RSRP1: variants seen among roughly 807,000 people sequenced by gnomAD.
RSRP1 encodes the protein arginine and serine rich protein 1.
In RSRP1, 37 loss-of-function variants were observed where a neutral mutation model predicts 33.0. The ratio of observed to expected loss-of-function variants is 1.12; its 90% confidence interval spans 0.86 to 1.48. RSRP1 has a LOEUF of 1.48. Among genes scored for constraint, RSRP1 ranks in the 40% most tolerant of loss-of-function variants. The pLI is 0.00. For synonymous variants in RSRP1, 167 were observed against 158.7 expected (o/e 1.05, Z -0.40); for missense variants, 402 against 385.3 (o/e 1.04, Z -0.36).
rs777430257 is a variant in RSRP1, at chr1:25,291,418, G to C, written c.-66-44389C>G. ...CGAGAGGTGGAGGTTGCAGTGAACCGAGATCGCGCCATTGCACTGCAGCCT... is the reference window on the plus strand; with the variant it reads ...CGAGAGGTGGAGGTTGCAGTGAACCCAGATCGCGCCATTGCACTGCAGCCT... On this transcript the variant is annotated intron_variant, in intron 1 of 1. Transcript: ENST00000561867. Among the ~76,000 whole-genome samples, 21 of 132,008 alleles carry C rather than the reference G, an allele frequency of 1.6e-4. 4 individuals carry two copies. The highest frequency in any genetic ancestry group is 3.4e-4 in the African/African-American group (13 of 38,712). 86.6% of individuals were successfully genotyped at this position (132,008 alleles called of 152,430 possible). A position where few individuals can be genotyped will look rare whatever the true frequency, so the allele number is the denominator to read the frequency against.
At chr1:25,285,128 C>A (rs1254800434) in intron 1 of RSRP1, among the ~76,000 whole-genome samples, 1 of 131,134 alleles carries the variant, frequency 7.6e-6, no homozygotes, top group Admixed American at 7.3e-5. Flanking sequence ...CCTAGAGAGA[C>A]ATTCTATTTT....
In RSRP1 at chr1:25,318,480, G is replaced by A. The variant is rs151077941; in HGVS notation, c.-67+19498C>T. Reference sequence around the variant, plus strand: ...GCGTGTGCCTGTAGTCCCAGCTACTGGGGAGGCTGAAGTAGGGGAATGGCT... The same window carrying A: ...GCGTGTGCCTGTAGTCCCAGCTACTAGGGAGGCTGAAGTAGGGGAATGGCT... On this transcript the variant is annotated intron_variant, in intron 1 of 1. Coordinates refer to the RSRP1 transcript ENST00000561867. Among the ~76,000 whole-genome samples, 14 of 130,572 alleles carry A rather than the reference G, an allele frequency of 1.1e-4. 2 individuals are homozygous for A. The highest frequency in any genetic ancestry group is 3.7e-4 in the African/African-American group (14 of 38,336). The allele number at this position is 130,572 out of a possible 152,430, so 85.7% of individuals were successfully genotyped here.
At chr1:25,302,640 AG>A (rs1374673506) in intron 1 of RSRP1, among the ~76,000 whole-genome samples, 1 of 130,132 alleles carries the variant, frequency 7.7e-6, no homozygotes, top group African/African-American at 2.7e-5. Flanking sequence ...GCTATGACCC[AG>A]GAACAAGGCC....
rs1226202677 is a variant in RSRP1 at position 25,296,740 on chromosome 1, CTCTT to C, written c.-67+41234_-67+41237del. 2.4e-5 allele frequency among the ~76,000 whole-genome samples: 3 copies of C among 123,920 alleles called. 1 individual carries two copies. Among genetic ancestry groups the C allele is most frequent in the Non-Finnish European group, 5.8e-5 (3 of 51,644 alleles). The allele number at this position is 123,920 out of a possible 152,430, so 81.3% of individuals were successfully genotyped here. A position where few individuals can be genotyped will look rare whatever the true frequency, so the allele number is the denominator to read the frequency against. Reference sequence around the variant, plus strand: ...TTTGAAAGTGTGGCACTTCCTCTCTCTCTTTCTCTCTCTCTCTCACCTGACACCA... The same window carrying C: ...TTTGAAAGTGTGGCACTTCCTCTCTCTCTCTCTCTCTCTCACCTGACACCA... On this transcript the variant is annotated intron_variant, in intron 1 of 1. Coordinates refer to the RSRP1 transcript ENST00000561867.
rs570605918 is a variant in RSRP1, at chr1:25,271,155, GT to G, written c.-66-24127del. ...CTAGTGGACATTTAGGTTAGTCTCA[GT>G]TTTTTCCTTCTGTAAATAAAGCTGC... On this transcript the variant is annotated intron_variant, in intron 1 of 1. Coordinates refer to the RSRP1 transcript ENST00000561867. Among the ~76,000 whole-genome samples the G allele has an allele frequency of 5.3e-5, 7 of 132,432 alleles. No individual in the cohort carries two copies. The South Asian group carries it at 1.6e-3, about 31-fold the overall frequency. The allele number at this position is 132,432 out of a possible 152,430, so 86.9% of individuals were successfully genotyped here.
intron 1 of RSRP1, among the ~76,000 whole-genome samples, chr1:25,336,646 C>T (rs1186861315): frequency 6.7e-6 from 1 of 149,978 alleles, no homozygotes; most frequent in Non-Finnish European, 1.5e-5. Flanking sequence ...GAGTTAGTAT[C>T]TTTTCTCCCG....
At chr1:25,291,089 G>C (rs932965942) in intron 1 of RSRP1, among the ~76,000 whole-genome samples, 2 of 130,788 alleles carry the variant, frequency 1.5e-5, no homozygotes, top group Admixed American at 1.5e-4. Flanking sequence ...CCAGGAGTTA[G>C]GGACCGAGCT....
intron 2 of RSRP1, 58 bp downstream of exon 2, chr1:25,246,386 C>T: frequency 6.3e-7 from 1 of 1,576,180 alleles, no homozygotes; most frequent in Non-Finnish European, 8.6e-7. Flanking sequence ...GTTCCCTAGC[C>T]TACTCATATA....
chr1:25,306,343 C>G (rs1643832643), intron 1 of RSRP1, among the ~76,000 whole-genome samples: 1 of 131,990 alleles, frequency 7.6e-6, no homozygotes, highest in African/African-American at 2.6e-5. Flanking sequence ...CGTAGACCAG[C>G]AGCATTGGCA....
At chr1:25,299,931 G>A (rs1163697380) in intron 1 of RSRP1, among the ~76,000 whole-genome samples, 1 of 130,454 alleles carries the variant, frequency 7.7e-6, no homozygotes, top group African/African-American at 2.6e-5. Flanking sequence ...TGTATTTTTA[G>A]TAGAGACAGG....
chr1:25,290,175 A>G (rs1642363509), intron 1 of RSRP1, among the ~76,000 whole-genome samples: 1 of 130,258 alleles, frequency 7.7e-6, no homozygotes, highest in South Asian at 2.3e-4. Context: ...GGAGACGGAG[A>G]GAAGGGACAG....
In RSRP1 at chr1:25,292,702, G is replaced by C. The variant is rs1347690826; in HGVS notation, c.-67+45276C>G. ...AACATCCCAGTGGAGACACTGAATGGAGATGTACAAGTCTGAAGCTTAGTG... is the reference window on the plus strand; with the variant it reads ...AACATCCCAGTGGAGACACTGAATGCAGATGTACAAGTCTGAAGCTTAGTG... On this transcript the variant is annotated intron_variant, in intron 1 of 1. Transcript: ENST00000561867. Among the ~76,000 whole-genome samples, 6 of 127,854 alleles carry C rather than the reference G, an allele frequency of 4.7e-5. 1 individual carries two copies. Among genetic ancestry groups the C allele is most frequent in the African/African-American group, 1.6e-4 (6 of 37,626 alleles). The allele number at this position is 127,854 out of a possible 152,430, so 83.9% of individuals were successfully genotyped here.
rs192405692 is a variant in RSRP1, at chr1:25,320,327, T to C, written c.-67+17651A>G. On this transcript the variant is annotated intron_variant, in intron 1 of 1. Coordinates refer to the RSRP1 transcript ENST00000561867. ...CGTTATAAGTGGGTGTTCCTAGTGA[T>C]GGTTCTGATTTTTTTTAAAAAAAGT... Among the ~76,000 whole-genome samples, 340 of 132,492 alleles carry C rather than the reference T, an allele frequency of 2.6e-3. 48 individuals carry two copies. The highest frequency in any genetic ancestry group is 0.023 in the Admixed American group (315 of 13,562). The allele number at this position is 132,492 out of a possible 152,430, so 86.9% of individuals were successfully genotyped here. A position where few individuals can be genotyped will look rare whatever the true frequency, so the allele number is the denominator to read the frequency against.
rs1389232064 is a variant in RSRP1, at chr1:25,318,731, T to C, written c.-67+19247A>G. Among the ~76,000 whole-genome samples the C allele has an allele frequency of 2.3e-5, 3 of 132,956 alleles. 1 individual carries two copies. Among genetic ancestry groups the C allele is most frequent in the African/African-American group, 7.7e-5 (3 of 39,054 alleles). The allele number at this position is 132,956 out of a possible 152,430, so 87.2% of individuals were successfully genotyped here. A position where few individuals can be genotyped will look rare whatever the true frequency, so the allele number is the denominator to read the frequency against. On this transcript the variant is annotated intron_variant, in intron 1 of 1. Coordinates refer to the RSRP1 transcript ENST00000561867. Reference sequence around the variant, plus strand: ...ATAAGAGACAAATGGCGTAAGACACTATGAGTTGTGTGACGTTGGGCATGT... The same window carrying C: ...ATAAGAGACAAATGGCGTAAGACACCATGAGTTGTGTGACGTTGGGCATGT...
chr1:25,289,217 G>A (rs1334808672), intron 1 of RSRP1, among the ~76,000 whole-genome samples: 1 of 132,112 alleles, frequency 7.6e-6, no homozygotes, highest in Non-Finnish European at 1.8e-5. Flanking sequence ...GTGTGTGTGA[G>A]GCAGTCTTAC....
In RSRP1 at chr1:25,280,352, C is replaced by T; in HGVS notation, c.-66-33323G>A. On this transcript the variant is annotated intron_variant, in intron 1 of 1. Coordinates refer to the RSRP1 transcript ENST00000561867. Reference sequence around the variant, plus strand: ...CTGCAGTCTCACTCTGTCATCCAGGCTGGAGTACAGTGGTGCGATCTCGGC... The same window carrying T: ...CTGCAGTCTCACTCTGTCATCCAGGTTGGAGTACAGTGGTGCGATCTCGGC... Among the ~76,000 whole-genome samples, 2 of 123,728 alleles carry T rather than the reference C, an allele frequency of 1.6e-5. 1 individual carries two copies. The highest frequency in any genetic ancestry group is 3.8e-5 in the Non-Finnish European group (2 of 52,766). 81.2% of individuals were successfully genotyped at this position (123,728 alleles called of 152,430 possible). A position where few individuals can be genotyped will look rare whatever the true frequency, so the allele number is the denominator to read the frequency against.
upstream of RSRP1, among the ~76,000 whole-genome samples, chr1:25,250,767 T>A (rs1257651227): frequency 6.6e-6 from 1 of 152,074 alleles, no homozygotes; most frequent in Admixed American, 6.6e-5. Context: ...TCCCAGCACT[T>A]TGGGAGGCCA....
rs1639405617 is a variant in RSRP1, at chr1:25,246,472, G to A, written c.492C>T (p.Ser164=). The change falls in exon 2 of 5, where the codon AGC becomes AGT. Residue 164 remains serine, a synonymous_variant. Transcript: ENST00000243189. ...TTTCACTTAAGCGAAAGGGGGTTCTGCTCCGCGACCTCGTCCTGGATCTGT... is the reference window on the plus strand; with the variant it reads ...TTTCACTTAAGCGAAAGGGGGTTCTACTCCGCGACCTCGTCCTGGATCTGT... ...WRDRSRTRSR[S]RTPFRLSEKD... 1 of 1,614,072 alleles carries A rather than the reference G, an allele frequency of 6.2e-7. No individual in the cohort carries two copies. The highest frequency in any genetic ancestry group is 8.5e-7 in the Non-Finnish European group (1 of 1,179,902).
rs1639499811 is a variant in RSRP1, at chr1:25,247,043, A to C, written c.-66-14T>G. ...ACTCAGGACTTCCTAAAAAACCAAG[A>C]GAGAAAAAACAAGTCGAGTCGCGGA... On this transcript the variant is annotated splice_polypyrimidine_tract_variant and intron_variant, in intron 1 of 4. Transcript: ENST00000243189. 1.2e-5 allele frequency: 16 copies of C among 1,378,278 alleles called. No homozygotes were observed. Among genetic ancestry groups the C allele is most frequent in the Non-Finnish European group, 1.5e-5 (16 of 1,036,042 alleles). The allele number at this position is 1,378,278 out of a possible 1,614,324, so 85.4% of individuals were successfully genotyped here. A position where few individuals can be genotyped will look rare whatever the true frequency, so the allele number is the denominator to read the frequency against.
Sources: allele counts gnomAD v4.1 joint callset (sites outside exome capture counted in the v4.1 genomes callset), GRCh38; gene constraint gnomAD v4.1.1; transcripts MANE v1.5; gene names NCBI Gene and HGNC (gene_info 2026-07-23, HGNC 2026-07-21).